Variants in ZNF346 observed in about 807,000 individuals in gnomAD.
ZNF346 encodes zinc finger protein 346.
In ZNF346, 23 loss-of-function variants were observed where a neutral mutation model predicts 33.7. That is an observed-to-expected ratio of 0.68 (90% CI 0.49 to 0.97). ZNF346 has a LOEUF of 0.97. Ranked by LOEUF, ZNF346 falls within the 50% of genes least tolerant of loss-of-function variation. ZNF346 has a pLI of 0.00. For missense variants in ZNF346, 340 were observed against 371.1 expected (o/e 0.92, Z 0.69); for synonymous variants, 134 against 142.4 (o/e 0.94, Z 0.42).
chr5:177,055,293 C>T (rs940371759), intron 5 of ZNF346, among the ~76,000 whole-genome samples: 1 of 152,146 alleles, frequency 6.6e-6, no homozygotes, highest in South Asian at 2.1e-4. Flanking sequence ...CTCGGCCTCC[C>T]AAAGTGCTGG....
intron 8 of ZNF346, among the ~76,000 whole-genome samples, chr5:177,078,541 G>A (rs756379583): frequency 9.9e-5 from 15 of 152,242 alleles, no homozygotes; most frequent in Non-Finnish European, 1.8e-4. Context: ...CAGCTAATGG[G>A]GAGGCTGAGG....
chr5:177,043,047 T>C (rs1363931188), intron 3 of ZNF346, among the ~76,000 whole-genome samples: 1 of 152,204 alleles, frequency 6.6e-6, no homozygotes. Context: ...AGATAGGGTT[T>C]CACCAGGTTG....
rs1776236805 is a variant in ZNF346, at chr5:177,023,646, A to C, written c.175+733A>C. On this transcript the variant is annotated intron_variant, in intron 1 of 6. Coordinates refer to ENST00000358149, the MANE Select transcript of ZNF346 (RefSeq NM_012279.4). The stretch of plus-strand genomic sequence containing the variant: ...CTGGGTAAGATGGGATGAAAGAAAG[A>C]GAAGGATGGAAAAGAGCTGTCCTGA... Among the ~76,000 whole-genome samples, 2 of 152,278 alleles carry C rather than the reference A, an allele frequency of 1.3e-5. 1 individual carries two copies. The highest frequency in any genetic ancestry group is 6.8e-3 in the Middle Eastern group (2 of 294).
At chr5:177,042,617 A>G (rs1779484327) in intron 3 of ZNF346, among the ~76,000 whole-genome samples, 1 of 152,234 alleles carries the variant, frequency 6.6e-6, no homozygotes, top group Non-Finnish European at 1.5e-5. Context: ...CTCCTATTAT[A>G]GTAGCCACAG....
At chr5:177,048,213 GACTT>G (rs1415006774) in intron 4 of ZNF346, among the ~76,000 whole-genome samples, 1 of 152,086 alleles carries the variant, frequency 6.6e-6, no homozygotes, top group Non-Finnish European at 1.5e-5. Flanking sequence ...AATGGTTCTA[GACTT>G]ACTTACACTT....
At chr5:177,032,520 C>T (rs1201324752) in intron 1 of ZNF346, among the ~76,000 whole-genome samples, 1 of 152,142 alleles carries the variant, frequency 6.6e-6, no homozygotes, top group Non-Finnish European at 1.5e-5. Flanking sequence ...AAGCGATTCT[C>T]CTGCCTCAGC....
intron 1 of ZNF346, among the ~76,000 whole-genome samples, chr5:177,026,990 T>C (rs1397465962): frequency 4.6e-5 from 7 of 152,182 alleles, no homozygotes; most frequent in Admixed American, 4.6e-4. Context: ...AAGTGATTGC[T>C]ATCTCATTTT....
At chr5:177,073,065 C>G (rs1315949708) in intron 8 of ZNF346, among the ~76,000 whole-genome samples, 1 of 152,194 alleles carries the variant, frequency 6.6e-6, no homozygotes, top group African/African-American at 2.4e-5. Context: ...CCTGTGTTCC[C>G]CTCTAGCATA....
chr5:177,054,511 G>A (rs1256027751), intron 5 of ZNF346, among the ~76,000 whole-genome samples: 1 of 151,904 alleles, frequency 6.6e-6, no homozygotes, highest in African/African-American at 2.4e-5. Context: ...CAATTCTCCT[G>A]CCTCAGCCTC....
chr5:177,029,899 C>G (rs1338382192), intron 1 of ZNF346, among the ~76,000 whole-genome samples: 1 of 152,170 alleles, frequency 6.6e-6, no homozygotes, highest in African/African-American at 2.4e-5. Context: ...AGGGCTCAGT[C>G]TTGTAGGAAT....
At chr5:177,061,588 C>A (rs1036949837) in intron 5 of ZNF346, among the ~76,000 whole-genome samples, 1 of 152,172 alleles carries the variant, frequency 6.6e-6, no homozygotes, top group African/African-American at 2.4e-5. Context: ...TTGGAGCAGC[C>A]CTGAGATAGG....
chr5:177,058,309 T>C (rs1406660616), intron 5 of ZNF346, among the ~76,000 whole-genome samples: 1 of 151,430 alleles, frequency 6.6e-6, no homozygotes, highest in Non-Finnish European at 1.5e-5. Context: ...CCGTGTCTAC[T>C]AAAAATACAA....
intron 1 of ZNF346, among the ~76,000 whole-genome samples, chr5:177,034,594 G>A (rs10069302): frequency 0.13 from 19,957 of 152,038 alleles, 3,087 homozygotes; most frequent in African/African-American, 0.37. Context: ...CTACTTCATC[G>A]ACCCTGTGAA....
intron 5 of ZNF346, among the ~76,000 whole-genome samples, chr5:177,054,734 A>C (rs963890133): frequency 2.0e-5 from 3 of 152,040 alleles, no homozygotes; most frequent in African/African-American, 7.2e-5. Flanking sequence ...ACTGCAGTTG[A>C]CCACAGATAA....
intron 8 of ZNF346, among the ~76,000 whole-genome samples, chr5:177,078,149 A>AAAAAG (rs555004609): frequency 1.1e-4 from 17 of 152,160 alleles, no homozygotes; most frequent in South Asian, 2.1e-4. Context: ...TCCATCTCAA[A>AAAAAG]AAAAGAAAAG....
chr5:177,059,063 T>G (rs917988311), intron 5 of ZNF346, among the ~76,000 whole-genome samples: 1 of 152,204 alleles, frequency 6.6e-6, no homozygotes, highest in African/African-American at 2.4e-5. Context: ...GCTTGTCTTC[T>G]CCCTGCTGGC....
rs1783818083 is a variant in ZNF346 at position 177,077,712 on chromosome 5, G to A, written c.*3-1670G>A. 6.6e-6 allele frequency among the ~76,000 whole-genome samples: 1 copy of A among 152,170 alleles called. No homozygotes were observed. The highest frequency in any genetic ancestry group is 1.5e-5 in the Non-Finnish European group (1 of 68,032). On this transcript the variant is annotated intron_variant, in intron 8 of 8. Coordinates refer to the ZNF346 transcript ENST00000503039. The surrounding 1 kb of genome is among the most constrained non-coding windows in gnomAD (Gnocchi z 5.0). ...CATGTCCACCATAAATGCCAAGGAG[G>A]AGTGTTGGTTTCATCCAGTCCCCCG...
chr5:177,068,479 C>CCA (rs1383464879), downstream of ZNF346, among the ~76,000 whole-genome samples: 1 of 143,976 alleles, frequency 6.9e-6, no homozygotes, highest in East Asian at 1.9e-4. Context: ...CAAGCTCTCT[C>CCA]CAAGAGGTGC....
intron 4 of ZNF346, among the ~76,000 whole-genome samples, chr5:177,049,345 C>T (rs554533875): frequency 1.3e-5 from 2 of 152,310 alleles, no homozygotes; most frequent in African/African-American, 4.8e-5. Flanking sequence ...ATCTGTGAGT[C>T]CTGCTGAGCC....
Sources: gnomAD v4.1 joint callset for allele counts (sites outside exome capture counted in the v4.1 genomes callset) on GRCh38, gnomAD v4.1.1 for gene constraint, Gnocchi (gnomAD v3.1) non-coding constraint, MANE v1.5 for transcripts, NCBI Gene and HGNC (gene_info 2026-07-23, HGNC 2026-07-21) for gene names.